Variants in MAP3K5 observed in about 807,000 individuals in gnomAD.
MAP3K5 encodes the protein ASK-1.
MAP3K5 carries 56 observed loss-of-function variants against 158.7 expected under a neutral mutation model. The observed-to-expected ratio is 0.35, with a 90% CI of 0.28 to 0.44. The LOEUF is 0.44. MAP3K5 is among the 20% of genes least tolerant of loss of function. The pLI, the probability that MAP3K5 is intolerant of heterozygous loss-of-function variation, is 1.00. For missense variants in MAP3K5, 1,294 were observed against 1,674.8 expected (o/e 0.77, Z 3.97); for synonymous variants, 579 against 601.7 (o/e 0.96, Z 0.55).
intron 13 of MAP3K5, among the ~76,000 whole-genome samples, chr6:136,637,905 G>A (rs528541129): frequency 2.0e-4 from 30 of 152,238 alleles, no homozygotes; most frequent in African/African-American, 5.8e-4. Context: ...ACACAACTCA[G>A]AACCTTTCTT....
In MAP3K5 at chr6:136,594,923, A is replaced by T. The variant is rs540642965; in HGVS notation, c.2879-2309T>A. On this transcript the variant is annotated intron_variant, in intron 21 of 29. Coordinates refer to ENST00000359015, the MANE Select transcript of MAP3K5 (RefSeq NM_005923.4). ...CATGTGGTTTGATTATCCAGTAATG[A>T]GAGGACTTGTGTCACGCCTGTGAAT... 6.6e-5 allele frequency among the ~76,000 whole-genome samples: 10 copies of T among 152,244 alleles called. No individual in the cohort carries two copies. The East Asian group carries it at 1.7e-3, about 26-fold the overall frequency.
chr6:136,743,624 T>C (rs555319859), intron 1 of MAP3K5, among the ~76,000 whole-genome samples: 1 of 152,208 alleles, frequency 6.6e-6, no homozygotes, highest in Non-Finnish European at 1.5e-5. Flanking sequence ...GACAGTCTGG[T>C]GGTTTATGAT....
chr6:136,764,278 C>T (rs1333377116), intron 1 of MAP3K5, among the ~76,000 whole-genome samples: 1 of 152,162 alleles, frequency 6.6e-6, no homozygotes, highest in Non-Finnish European at 1.5e-5. Context: ...ACTGCTTTTA[C>T]CAATAGGATG....
At chr6:136,668,431 C>T (rs1005762319) in intron 8 of MAP3K5, among the ~76,000 whole-genome samples, 1 of 152,130 alleles carries the variant, frequency 6.6e-6, no homozygotes, top group Non-Finnish European at 1.5e-5. Context: ...TTCTACAATT[C>T]ATAGCTTCAC....
chr6:136,663,906 C>T (rs142962732), intron 8 of MAP3K5, among the ~76,000 whole-genome samples: 4 of 152,114 alleles, frequency 2.6e-5, no homozygotes, highest in East Asian at 3.9e-4. Context: ...CCACCATGTC[C>T]GGCCTCAATC....
At chr6:136,631,025 A>G (rs1436004658) in intron 14 of MAP3K5, among the ~76,000 whole-genome samples, 1 of 150,790 alleles carries the variant, frequency 6.6e-6, no homozygotes, top group Non-Finnish European at 1.5e-5. Flanking sequence ...CTTGAGCCCA[A>G]GAGATAGAGG....
At chr6:136,739,220 A>T (rs1018107240) in intron 1 of MAP3K5, among the ~76,000 whole-genome samples, 4 of 152,208 alleles carry the variant, frequency 2.6e-5, no homozygotes, top group Admixed American at 2.6e-4. Context: ...AGTGCTGACC[A>T]GGCATTACAA....
intron 14 of MAP3K5, among the ~76,000 whole-genome samples, chr6:136,635,785 G>C (rs1435219140): frequency 6.6e-6 from 1 of 150,500 alleles, no homozygotes; most frequent in East Asian, 2.0e-4. Flanking sequence ...TCTGGCTGAA[G>C]TGGGAGGATT....
chr6:136,574,984 C>T (rs77855166), intron 25 of MAP3K5, among the ~76,000 whole-genome samples: 4,710 of 151,752 alleles, frequency 0.031, 249 homozygotes, highest in African/African-American at 0.11. Flanking sequence ...CCACCGCGCC[C>T]GGCCTAAACA....
intron 1 of MAP3K5, among the ~76,000 whole-genome samples, chr6:136,774,169 C>A (rs761132132): frequency 6.6e-6 from 1 of 152,194 alleles, no homozygotes; most frequent in Non-Finnish European, 1.5e-5. Context: ...CAACCTCCTC[C>A]ACACTTCCTT....
chr6:136,771,957 T>A (rs1784217165), intron 1 of MAP3K5, among the ~76,000 whole-genome samples: 1 of 152,050 alleles, frequency 6.6e-6, no homozygotes, highest in Admixed American at 6.6e-5. Context: ...TCTTGCTCCA[T>A]CACTCAGGCT....
chr6:136,726,609 C>T (rs367711442), intron 1 of MAP3K5, among the ~76,000 whole-genome samples: 4 of 151,936 alleles, frequency 2.6e-5, no homozygotes, highest in African/African-American at 4.8e-5. Flanking sequence ...AAAAAGAATA[C>T]GGAATATCTC....
At chr6:136,761,147 G>A (rs1163524705) in intron 1 of MAP3K5, among the ~76,000 whole-genome samples, 1 of 152,144 alleles carries the variant, frequency 6.6e-6, no homozygotes, top group Admixed American at 6.5e-5. Flanking sequence ...ACAACTGTGA[G>A]AAAATACATT....
chr6:136,664,449 C>T (rs1779142942), intron 8 of MAP3K5, among the ~76,000 whole-genome samples: 2 of 152,080 alleles, frequency 1.3e-5, no homozygotes, highest in Admixed American at 1.3e-4. Context: ...CACCCCCCAC[C>T]CCTGGTCCAT....
At chr6:136,783,525 C>T (rs577176811) in intron 1 of MAP3K5, among the ~76,000 whole-genome samples, 1 of 152,244 alleles carries the variant, frequency 6.6e-6, no homozygotes, top group Admixed American at 6.5e-5. Flanking sequence ...GCTGTGGGTT[C>T]CCAGTTTCTT....
At chr6:136,669,149 A>G (rs1439212948) in intron 8 of MAP3K5, 134 bp downstream of exon 8, 3 of 691,144 alleles carry the variant, frequency 4.3e-6, no homozygotes, top group East Asian at 5.2e-5. Flanking sequence ...AGGAGATATA[A>G]TAAGTTTCTT....
intron 1 of MAP3K5, among the ~76,000 whole-genome samples, chr6:136,740,537 C>T (rs1782666703): frequency 6.6e-6 from 1 of 152,096 alleles, no homozygotes; most frequent in East Asian, 1.9e-4. Flanking sequence ...TGGCTTAAAC[C>T]AGGTCGTCAT....
intron 1 of MAP3K5, among the ~76,000 whole-genome samples, chr6:136,739,446 A>AGGG (rs1409360638): frequency 6.6e-6 from 1 of 152,200 alleles, no homozygotes; most frequent in Non-Finnish European, 1.5e-5. Context: ...GCCATGGGTC[A>AGGG]GGGGGACATT....
In MAP3K5 at chr6:136,578,774, C is replaced by A. The variant is rs146643849; in HGVS notation, c.3517+1527G>T. 4.3e-4 allele frequency among the ~76,000 whole-genome samples: 66 copies of A among 152,230 alleles called. No individual in the cohort carries two copies. The East Asian group carries it at 0.012, about 27-fold the overall frequency. On this transcript the variant is annotated intron_variant, in intron 25 of 29. Transcript: ENST00000359015. ...GACACGGATGCTCTCGCTCTCATGT[C>A]AAACACCCAAGTGTTCTATGAGAAG...
Sources: gnomAD v4.1 joint callset for allele counts (sites outside exome capture counted in the v4.1 genomes callset) on GRCh38, gnomAD v4.1.1 for gene constraint, MANE v1.5 for transcripts, NCBI Gene and HGNC (gene_info 2026-07-23, HGNC 2026-07-21) for gene names.